CCM2L: variants seen among roughly 807,000 people sequenced by gnomAD.
The protein encoded by CCM2L is cerebral cavernous malformations 2 protein-like.
CCM2L carries 36 observed loss-of-function variants against 54.1 expected under a neutral mutation model. That is an observed-to-expected ratio of 0.67 (90% confidence interval 0.51 to 0.88). The LOEUF is 0.88. CCM2L is among the 40% of genes least tolerant of loss of function. The pLI is 0.00. For missense variants in CCM2L, 700 were observed against 812.1 expected (o/e 0.86, Z 1.68); for synonymous variants, 351 against 359.3 (o/e 0.98, Z 0.26).
At position 32,025,155 on chromosome 20, in the gene CCM2L, T is replaced by C. The variant is rs199878076; in HGVS notation, c.1070-701T>C. 2.5e-4 allele frequency among the ~76,000 whole-genome samples: 38 copies of C among 151,434 alleles called. No individual in the cohort carries two copies. The East Asian group carries it at 5.8e-3, about 23-fold the overall frequency. On this transcript the variant is annotated intron_variant, in intron 6 of 9. Coordinates refer to ENST00000452892, the MANE Select transcript of CCM2L (RefSeq NM_001365692.1). ...TCTTTTCTTTTCCTTCCCCTTCCCC[T>C]TTCTTTCTTTCTTTCCTTTCTTTTT...
rs767667534 is a variant in CCM2L at position 32,017,840 on chromosome 20, C to T, written c.239C>T (p.Pro80Leu). 5 of 1,613,998 alleles carry T rather than the reference C, an allele frequency of 3.1e-6. No individual in the cohort carries two copies. The highest frequency in any genetic ancestry group is 3.4e-6 in the Non-Finnish European group (4 of 1,180,032). ...HLTWVTSSLN[P>L]SSRDELLQLL... is the part of the protein sequence containing the mutation. ...ACCTGGGTGACTTCCTCACTGAACCCCTCCAGTCGGGACGAGCTCCTGCAG... is the reference window on the plus strand; with the variant it reads ...ACCTGGGTGACTTCCTCACTGAACCTCTCCAGTCGGGACGAGCTCCTGCAG... Residue 80 changes from proline (P) to leucine (L), a missense_variant, in exon 3 of 10, where the codon CCC becomes CTC. Pro to Leu is a moderately conservative substitution (Grantham distance 98). Coordinates refer to ENST00000452892, the MANE Select transcript of CCM2L (RefSeq NM_001365692.1).
intron 5 of CCM2L, 44 bp downstream of exon 5, chr20:32,019,453 C>T: frequency 7.2e-7 from 1 of 1,381,158 alleles, no homozygotes; most frequent in South Asian, 1.4e-5. Flanking sequence ...GCTTCGGGAA[C>T]GCTGCTTCCC....
In CCM2L at chr20:32,019,160, C is replaced by G; in HGVS notation, c.684C>G (p.Arg228=). The part of the protein sequence containing the change: ...GGGGGSLERQ[R]AGARASGSWE... ...GCGGCGGCAGCTTGGAGCGCCAGCG[C>G]GCCGGGGCGCGGGCGTCGGGCAGCT... Residue 228 remains arginine, a synonymous_variant, in exon 5 of 10, where the codon CGC becomes CGG. Coordinates refer to ENST00000452892, the MANE Select transcript of CCM2L (RefSeq NM_001365692.1). The G allele has an allele frequency of 9.0e-7, 1 of 1,114,796 alleles. No homozygotes were observed. The highest frequency in any genetic ancestry group is 4.6e-5 in the East Asian group (1 of 21,948). The allele number at this position is 1,114,796 out of a possible 1,614,324, so 69.1% of individuals were successfully genotyped here. A position where few individuals can be genotyped will look rare whatever the true frequency, so the allele number is the denominator to read the frequency against.
chr20:32,028,433 C>CAA (rs533694905), intron 7 of CCM2L: 4,469 of 107,614 alleles, frequency 0.042, 106 homozygotes, highest in Middle Eastern at 0.11. Flanking sequence ...GAATCTGTCT[C>CAA]AAAAAAAAAA....
chr20:32,015,620 G>T (rs1259137455), intron 2 of CCM2L, among the ~76,000 whole-genome samples: 4 of 152,220 alleles, frequency 2.6e-5, no homozygotes, highest in Non-Finnish European at 1.5e-5. Flanking sequence ...GTAAGGTTGT[G>T]ATGGCCTTTG....
At chr20:32,027,910 C>T (rs1204933787) in intron 7 of CCM2L, 1 of 152,230 alleles carries the variant, frequency 6.6e-6, no homozygotes, top group Non-Finnish European at 1.5e-5. Context: ...AAAGTCCCTG[C>T]TCTTGTCAAG....
intron 2 of CCM2L, 78 bp from the exon 3 acceptor site, chr20:32,017,722 A>T: frequency 9.0e-7 from 1 of 1,111,586 alleles, no homozygotes; most frequent in Non-Finnish European, 1.4e-6. Flanking sequence ...TCCGCACTGC[A>T]TCAATGAGAA....
Position 32,019,105 on chromosome 20 carries a change from G to T in CCM2L, c.629G>T (p.Gly210Val). The T allele has an allele frequency of 3.4e-6, 4 of 1,177,080 alleles. 1 individual carries two copies. 72.9% of individuals were successfully genotyped at this position (1,177,080 alleles called of 1,614,324 possible). A position where few individuals can be genotyped will look rare whatever the true frequency, so the allele number is the denominator to read the frequency against. ...GACTGGCGGATGGGGTGGGGTGGGG[G>T]CGCCGCGGAGGCCCGGGCCGGGGGA... ...SLDWRMGWGG[G>V]AAEARAGGGG... Residue 210 changes from glycine to valine, a missense_variant, in exon 5 of 10, where the codon GGC becomes GTC. Transcript: ENST00000452892.
chr20:32,020,964 T>TCAAAA (rs1231267280), intron 5 of CCM2L, among the ~76,000 whole-genome samples: 1 of 152,070 alleles, frequency 6.6e-6, no homozygotes, highest in Non-Finnish European at 1.5e-5. Context: ...AGACTCCGTC[T>TCAAAA]CAAAACAAAA....
rs757366730 is a variant in CCM2L, at chr20:32,019,359, C to G, written c.883C>G (p.Pro295Ala). The part of the protein sequence containing the change: ...PGPNPLDPQD[P>A]SPDAYCNLVI... The stretch of plus-strand genomic sequence containing the variant: ...CCCCAACCCGCTCGACCCGCAGGAC[C>G]CCAGCCCCGACGCCTACTGCAACCT... The change falls in exon 5 of 10, where the codon CCC becomes GCC. Residue 295 changes from proline (P) to alanine (A), a missense_variant. Physicochemically the swap from Pro to Ala is conservative, Grantham distance 27. Coordinates refer to ENST00000452892, the MANE Select transcript of CCM2L (RefSeq NM_001365692.1). 3 of 1,513,762 alleles carry G rather than the reference C, an allele frequency of 2.0e-6. No homozygotes were observed. The highest frequency in any genetic ancestry group is 1.8e-6 in the Non-Finnish European group (2 of 1,138,436). The allele number at this position is 1,513,762 out of a possible 1,614,324, so 93.8% of individuals were successfully genotyped here.
intron 7 of CCM2L, among the ~76,000 whole-genome samples, chr20:32,026,233 G>C (rs2064859432): frequency 6.6e-6 from 1 of 152,200 alleles, no homozygotes; most frequent in Non-Finnish European, 1.5e-5. Flanking sequence ...CTTAATTTTG[G>C]TTCCATGTAA....
intron 1 of CCM2L, among the ~76,000 whole-genome samples, chr20:32,013,725 C>T (rs1385473407): frequency 6.6e-6 from 1 of 152,154 alleles, no homozygotes; most frequent in East Asian, 1.9e-4. Flanking sequence ...GCTAGGATTA[C>T]AGGCGTAAAC....
At position 32,031,225 on chromosome 20, in the gene CCM2L, G is replaced by T. The variant is rs1466531723; in HGVS notation, c.1627G>T (p.Ala543Ser). Residue 543 changes from alanine to serine, a missense_variant, in exon 10 of 10, where the codon GCG becomes TCG. Transcript: ENST00000452892. Reference sequence around the variant, plus strand: ...GGCTGACATCACGCACGACATCGAGGCGCTGGCCCCCGATGACGACGACGA... The same window carrying T: ...GGCTGACATCACGCACGACATCGAGTCGCTGGCCCCCGATGACGACGACGA... ...LLADITHDIE[A>S]LAPDDDDDDE... 6 of 1,300,092 alleles carry T rather than the reference G, an allele frequency of 4.6e-6. No individual in the cohort carries two copies. The highest frequency in any genetic ancestry group is 1.5e-5 in the African/African-American group (1 of 65,716). The allele number at this position is 1,300,092 out of a possible 1,614,324, so 80.5% of individuals were successfully genotyped here.
At chr20:32,018,846 CCA>C (rs1251135616) in intron 4 of CCM2L, 95 bp from the exon 5 acceptor site, 1 of 1,204,362 alleles carries the variant, frequency 8.3e-7, no homozygotes, top group East Asian at 3.5e-5. Context: ...CGGTGGAACC[CCA>C]GAGCCGCGAG....
chr20:32,019,990 G>A (rs1211549599), intron 5 of CCM2L, among the ~76,000 whole-genome samples: 4 of 151,962 alleles, frequency 2.6e-5, no homozygotes, highest in Non-Finnish European at 4.4e-5. Context: ...TTCCCCCTCC[G>A]TCTTCCCCTC....
Position 32,018,952 on chromosome 20 carries a change from T to C in CCM2L, c.476T>C (p.Val159Ala). 1 of 1,399,020 alleles carries C rather than the reference T, an allele frequency of 7.1e-7. No individual in the cohort carries two copies. Among genetic ancestry groups the C allele is most frequent in the South Asian group, 1.5e-5 (1 of 65,868 alleles). 86.7% of individuals were successfully genotyped at this position (1,399,020 alleles called of 1,614,324 possible). Residue 159 changes from valine (V) to alanine (A), a missense_variant, in exon 5 of 10, where the codon GTG becomes GCG. Coordinates refer to ENST00000452892, the MANE Select transcript of CCM2L (RefSeq NM_001365692.1). ...CCCCGGACTCTCCTAGGTCTGGGTG[T>C]GGACCCGGTGCCGGCCGGCGTGGAT... ...HLLVLKTGLG[V>A]DPVPAGVDAS...
At position 32,018,923 on chromosome 20, in the gene CCM2L, G is replaced by A. The variant is rs1444730591; in HGVS notation, c.467-20G>A. ...CTGAGTCCCGATCCCCGCGGCTGAC[G>A]GTCCCCCGGACTCTCCTAGGTCTGG... is the stretch of plus-strand genomic sequence containing the variant. On this transcript the variant is annotated intron_variant, in intron 4 of 9. Coordinates refer to ENST00000452892, the MANE Select transcript of CCM2L (RefSeq NM_001365692.1). 48 of 1,298,390 alleles carry A rather than the reference G, an allele frequency of 3.7e-5. No individual in the cohort carries two copies. Among genetic ancestry groups the A allele is most frequent in the Non-Finnish European group, 4.5e-5 (46 of 1,023,686 alleles). 80.4% of individuals were successfully genotyped at this position (1,298,390 alleles called of 1,614,324 possible).
chr20:32,015,883 G>A (rs1439565716), intron 2 of CCM2L, among the ~76,000 whole-genome samples: 1 of 82,450 alleles, frequency 1.2e-5, no homozygotes, highest in Non-Finnish European at 2.5e-5. Flanking sequence ...TTGAGACAGA[G>A]TCTCATTCTG....
intron 5 of CCM2L, 86 bp downstream of exon 5, chr20:32,019,495 G>A (rs554555827): frequency 6.6e-6 from 6 of 905,194 alleles, no homozygotes; most frequent in Non-Finnish European, 8.6e-6. Context: ...CCACCCACCA[G>A]GTTCCTAGGA....
Sources: allele counts gnomAD v4.1 joint callset (sites outside exome capture counted in the v4.1 genomes callset), GRCh38; gene constraint gnomAD v4.1.1; transcripts MANE v1.5; gene names NCBI Gene and HGNC (gene_info 2026-07-23, HGNC 2026-07-21).